EZH1: variants seen among roughly 807,000 people sequenced by gnomAD.
The protein encoded by EZH1 is enhancer of zeste 1 polycomb repressive complex 2 subunit, also known as histone-lysine N-methyltransferase EZH1.
A neutral mutation model predicts 100.5 loss-of-function variants in EZH1; 33 were observed. The observed-to-expected ratio is 0.33, with a 90% confidence interval of 0.25 to 0.44. The LOEUF is 0.44. Ranked by LOEUF, EZH1 falls within the 20% of genes least tolerant of loss-of-function variation. The probability of loss-of-function intolerance (pLI) is 1.00; values close to 1 mark genes in which losing one functional copy is unlikely to be tolerated. For missense variants in EZH1, 475 were observed against 928.4 expected (o/e 0.51, Z 6.35); for synonymous variants, 272 against 313.8 (o/e 0.87, Z 1.41).
At chr17:42,732,935 G>C (rs1220141545) in intron 1 of EZH1, among the ~76,000 whole-genome samples, 1 of 148,664 alleles carries the variant, frequency 6.7e-6, no homozygotes, top group Non-Finnish European at 1.5e-5. Flanking sequence ...CTGGGCAACA[G>C]AGTGAGACTC....
rs941178061 is a variant in EZH1, at chr17:42,718,951, T to G, written c.767+154A>C. On this transcript the variant is annotated intron_variant, in intron 8 of 20. Coordinates refer to ENST00000428826, the MANE Select transcript of EZH1 (RefSeq NM_001991.5). This position sits in a 1 kb window ranked among gnomAD's most constrained non-coding sequence, Gnocchi z 4.2. The stretch of plus-strand genomic sequence containing the variant: ...CCCTTAATATAGTAAGGGGGGCATT[T>G]AGAGGTAATTGAGTAAGCAAGAAAT... Among the ~76,000 whole-genome samples the G allele has an allele frequency of 6.6e-6, 1 of 152,158 alleles. No homozygotes were observed. Among genetic ancestry groups the G allele is most frequent in the Non-Finnish European group, 1.5e-5 (1 of 68,032 alleles).
At chr17:42,704,950 G>T in intron 17 of EZH1, 138 bp downstream of exon 17, 1 of 737,726 alleles carries the variant, frequency 1.4e-6, no homozygotes, top group Non-Finnish European at 2.3e-6. Flanking sequence ...ACGGTTCTGT[G>T]GGATCTCCCC....
At position 42,706,851 on chromosome 17, in the gene EZH1, T is replaced by C. The variant is rs949744691; in HGVS notation, c.1661-666A>G. Among the ~76,000 whole-genome samples, 3 of 152,112 alleles carry C rather than the reference T, an allele frequency of 2.0e-5. No homozygotes were observed. The highest frequency in any genetic ancestry group is 4.8e-5 in the African/African-American group (2 of 41,432). ...ATTGTCACCATCAAAACAAGTATCA[T>C]TTTGAGAACAGAATGCATCCGTTCT... On this transcript the variant is annotated intron_variant, in intron 15 of 20. Transcript: ENST00000428826. The surrounding 1 kb of genome is among the most constrained non-coding windows in gnomAD (Gnocchi z 4.4).
chr17:42,738,298 A>T (rs2054106293), intron 1 of EZH1, among the ~76,000 whole-genome samples: 1 of 152,040 alleles, frequency 6.6e-6, no homozygotes, highest in Non-Finnish European at 1.5e-5. Context: ...CTTTGCAGAA[A>T]CAGCTTCTTT....
chr17:42,730,829 TTATAGA>T lies in EZH1; in HGVS notation c.-19_-14del. 1 of 985,068 alleles carries T rather than the reference TTATAGA, an allele frequency of 1.0e-6. No individual in the cohort carries two copies. Among genetic ancestry groups the T allele is most frequent in the Non-Finnish European group, 1.2e-6 (1 of 829,502 alleles). The allele number at this position is 985,068 out of a possible 1,614,324, so 61.0% of individuals were successfully genotyped here. On this transcript the variant is annotated splice_region_variant and 5_prime_UTR_variant, in exon 2 of 21. Transcript: ENST00000428826. ...TGTATTCTAATATACTTTACCTACC[TTATAGA>T]ATGCAAGGGGAAGTGTTGGGTTTTA...
intron 7 of EZH1, among the ~76,000 whole-genome samples, chr17:42,719,438 T>A (rs2053664604): frequency 6.6e-6 from 1 of 152,134 alleles, no homozygotes; most frequent in African/African-American, 2.4e-5. Flanking sequence ...AAATCCACAG[T>A]CCCAATTAGA....
chr17:42,721,521 G>A (rs902036044), intron 6 of EZH1, among the ~76,000 whole-genome samples: 2 of 152,092 alleles, frequency 1.3e-5, no homozygotes, highest in African/African-American at 4.8e-5. Flanking sequence ...AAACTCCTAA[G>A]CCCTAAGATT....
chr17:42,738,079 G>C (rs754222652), intron 1 of EZH1, among the ~76,000 whole-genome samples: 2 of 151,680 alleles, frequency 1.3e-5, no homozygotes, highest in Non-Finnish European at 2.9e-5. Flanking sequence ...AGGAGGCTGA[G>C]GCAGGAGAAT....
At chr17:42,738,154 C>T (rs947373496) in intron 1 of EZH1, among the ~76,000 whole-genome samples, 2 of 135,240 alleles carry the variant, frequency 1.5e-5, no homozygotes, top group African/African-American at 2.8e-5. Flanking sequence ...CCAGCCTGGG[C>T]GACAGAGCAA....
At chr17:42,703,320 G>A in intron 19 of EZH1, 1 of 307,180 alleles carries the variant, frequency 3.3e-6, no homozygotes, top group Non-Finnish European at 6.2e-6. Flanking sequence ...GACTACAGGT[G>A]CACACCACCA....
intron 20 of EZH1, 96 bp downstream of exon 20, chr17:42,702,781 C>T: frequency 7.3e-7 from 1 of 1,373,522 alleles, no homozygotes; most frequent in Non-Finnish European, 1.0e-6. Flanking sequence ...CTCTCTCCTC[C>T]ATCTCCATTA....
intron 12 of EZH1, among the ~76,000 whole-genome samples, chr17:42,711,410 C>A (rs1456141004): frequency 6.6e-6 from 1 of 151,636 alleles, no homozygotes; most frequent in East Asian, 1.9e-4. Context: ...GAGGCGGAGG[C>A]TGCAGTGAGC....
rs555047687 is a variant in EZH1, at chr17:42,744,960, G to C, written c.-103+51C>G. On this transcript the variant is annotated intron_variant, in intron 1 of 20. Transcript: ENST00000428826. ...CCCTCCCTCAGGCCCAGGGCGGCGAGGGGAGGAGGCCCGGCCCCACCGCCC... is the reference window on the plus strand; with the variant it reads ...CCCTCCCTCAGGCCCAGGGCGGCGACGGGAGGAGGCCCGGCCCCACCGCCC... 5.8e-4 allele frequency: 727 copies of C among 1,254,236 alleles called. 2 individuals carry two copies. The highest frequency in any genetic ancestry group is 6.9e-4 in the Non-Finnish European group (676 of 973,366). The allele number at this position is 1,254,236 out of a possible 1,614,324, so 77.7% of individuals were successfully genotyped here. A position where few individuals can be genotyped will look rare whatever the true frequency, so the allele number is the denominator to read the frequency against.
chr17:42,702,893 G>A lies in EZH1; in HGVS notation c.2167C>T (p.Leu723Phe). 1 of 1,614,064 alleles carries A rather than the reference G, an allele frequency of 6.2e-7. No homozygotes were observed. Among genetic ancestry groups the A allele is most frequent in the Non-Finnish European group, 8.5e-7 (1 of 1,180,022 alleles). Residue 723 changes from leucine (L) to phenylalanine (F), a missense_variant, in exon 20 of 21, where the codon CTC becomes TTC. Leu to Phe is a conservative substitution (Grantham distance 22). Transcript: ENST00000428826. ...GCACCTCACCTGTAATCAAAGAAGA[G>A]CTCTTCGCCAGCTTGAATTGCCCTC... The part of the protein sequence containing the change: ...AKRAIQAGEE[L>F]FFDYRYSQAD...
At chr17:42,744,882 G>T in intron 1 of EZH1, 129 bp downstream of exon 1, 1 of 1,007,108 alleles carries the variant, frequency 9.9e-7, no homozygotes, top group Non-Finnish European at 1.3e-6. Flanking sequence ...CCCCCGGCCA[G>T]GCAGGCAGTG....
In EZH1 at chr17:42,720,278, A is replaced by C; in HGVS notation, c.659T>G (p.Ile220Ser). Residue 220 changes from isoleucine (I) to serine (S), a missense_variant, in exon 7 of 21, where the codon ATT becomes AGT. Around this residue, in one of 8 missense-constraint regions of EZH1, gnomAD observed 180 missense variants for 295.3 expected, o/e 0.61. Transcript: ENST00000428826. ...PVTRKRKRHAIEGNKKSSKKQ... is the reference protein window; with the variant it reads ...PVTRKRKRHASEGNKKSSKKQ... ...AGGGAGCCAGTGCTACGTACCTTCA[A>C]TAGCATGTCGCTTTCTCTTTCTTGT... The C allele has an allele frequency of 1.2e-6, 2 of 1,613,260 alleles. No homozygotes were observed. Among genetic ancestry groups the C allele is most frequent in the South Asian group, 2.2e-5 (2 of 90,954 alleles).
chr17:42,714,972 T>C (rs1042003537), intron 10 of EZH1, among the ~76,000 whole-genome samples: 4 of 138,036 alleles, frequency 2.9e-5, no homozygotes, highest in Admixed American at 2.4e-4. Flanking sequence ...ATATATGAAA[T>C]TTATATAAAT....
At chr17:42,725,960 C>T (rs1352997404) in intron 4 of EZH1, among the ~76,000 whole-genome samples, 2 of 151,134 alleles carry the variant, frequency 1.3e-5, no homozygotes, top group South Asian at 2.1e-4. Flanking sequence ...CTCATTGCAA[C>T]CTCCGCCTCC....
At chr17:42,705,830 T>A in intron 16 of EZH1, 177 bp downstream of exon 16, 1 of 674,784 alleles carries the variant, frequency 1.5e-6, no homozygotes, top group Non-Finnish European at 2.2e-6. Flanking sequence ...GAACCATTTT[T>A]CTAAGCCCTA....
Sources: allele counts gnomAD v4.1 joint callset (sites outside exome capture counted in the v4.1 genomes callset), GRCh38; gene constraint gnomAD v4.1.1; regional missense constraint gnomAD v4.1.1; non-coding constraint Gnocchi (gnomAD v3.1); transcripts MANE v1.5; gene names NCBI Gene and HGNC (gene_info 2026-07-23, HGNC 2026-07-21).